The following CREB1 variants were observed in gnomAD, a reference collection of about 807,000 sequenced individuals.
CREB1 encodes the protein cAMP responsive element binding protein 1, also known as cyclic AMP-responsive element-binding protein 1.
In CREB1, 2 loss-of-function variants were observed where a neutral mutation model predicts 42.0. The ratio of observed to expected loss-of-function variants is 0.05; its 90% CI spans 0.02 to 0.15. The LOEUF (loss-of-function observed/expected upper bound fraction) is 0.15. Among genes scored for constraint, CREB1 ranks in the 10% least tolerant of loss-of-function variants. The pLI, the probability that CREB1 is intolerant of heterozygous loss-of-function variation, is 1.00. For missense variants in CREB1, 199 were observed against 388.9 expected (o/e 0.51, Z 4.11); for synonymous variants, 123 against 139.9 (o/e 0.88, Z 0.85).
chr2:207,536,588 C>T (rs1355010576), intron 1 of CREB1, among the ~76,000 whole-genome samples: 1 of 152,074 alleles, frequency 6.6e-6, no homozygotes, highest in African/African-American at 2.4e-5. Flanking sequence ...TGGTATATTT[C>T]GTTTTTTGTA....
chr2:207,577,055 C>G (rs1380657349), intron 6 of CREB1: 2 of 954,920 alleles, frequency 2.1e-6, no homozygotes, highest in Non-Finnish European at 2.5e-6. Context: ...GCTTTATCTT[C>G]TTTTTCATTT....
At position 207,575,285 on chromosome 2, in the gene CREB1, G is replaced by A. The variant is rs778362673; in HGVS notation, c.519G>A (p.Gln173=). 6.2e-7 allele frequency: 1 copy of A among 1,613,770 alleles called. No individual in the cohort carries two copies. Among genetic ancestry groups the A allele is most frequent in the African/African-American group, 1.3e-5 (1 of 74,902 alleles). ...TSSGQYIAIT[Q]GGAIQLANNG... is the part of the protein sequence containing the mutation. ...ATTGGCTTTTAGTTGCCATTACCCA[G>A]GGAGGAGCAATACAGCTGGCTAACA... The change falls in exon 6 of 8, where the codon CAG becomes CAA. Residue 173 remains glutamine, a synonymous_variant. Coordinates refer to ENST00000353267, the MANE Select transcript of CREB1 (RefSeq NM_004379.5).
chr2:207,585,591 A>G (rs2106634690), intron 7 of CREB1, among the ~76,000 whole-genome samples: 1 of 152,342 alleles, frequency 6.6e-6, no homozygotes, highest in Admixed American at 6.5e-5. Context: ...GAACCAGGTA[A>G]TCAATAAAAT....
At chr2:207,546,296 A>G (rs1175423694) in intron 1 of CREB1, among the ~76,000 whole-genome samples, 1 of 152,242 alleles carries the variant, frequency 6.6e-6, no homozygotes, top group Non-Finnish European at 1.5e-5. Context: ...AGATGCCCGA[A>G]CTTGAAGCAA....
At position 207,575,441 on chromosome 2, in the gene CREB1, AGTT is replaced by A; in HGVS notation, c.682_684del (p.Val228del). The A allele has an allele frequency of 6.2e-7, 1 of 1,611,270 alleles. No homozygotes were observed. Among genetic ancestry groups the A allele is most frequent in the Non-Finnish European group, 8.5e-7 (1 of 1,177,960 alleles). The stretch of plus-strand genomic sequence containing the variant: ...AGCAGATCTTAGTGCCCAGCAACCA[AGTT>A]GTTGTTCAAGGTAAGGGAATTCAGA... On this transcript the variant is annotated inframe_deletion, in exon 6 of 8. Transcript: ENST00000353267.
chr2:207,557,391 T>C (rs889412385), intron 2 of CREB1, among the ~76,000 whole-genome samples: 3 of 152,024 alleles, frequency 2.0e-5, no homozygotes, highest in Non-Finnish European at 4.4e-5. Context: ...TTATAAAAAT[T>C]GAATGTATGG....
chr2:207,577,462 T>C (rs2082641184), intron 6 of CREB1, 43 bp from the exon 7 acceptor site: 1 of 1,599,496 alleles, frequency 6.3e-7, no homozygotes, highest in Admixed American at 1.7e-5. Context: ...TTGAATCAAG[T>C]TGCAATGTTT....
chr2:207,569,516 C>G (rs2082269539), intron 4 of CREB1, among the ~76,000 whole-genome samples: 1 of 151,556 alleles, frequency 6.6e-6, no homozygotes, highest in East Asian at 1.9e-4. Flanking sequence ...GATCTTTTTT[C>G]CCTTTAGTTG....
In CREB1 at chr2:207,602,364, A is replaced by G. The variant is rs2087213919; in HGVS notation, c.*5306A>G. 1 of 202,228 alleles carries G rather than the reference A, an allele frequency of 4.9e-6. No homozygotes were observed. Among genetic ancestry groups the G allele is most frequent in the Non-Finnish European group, 1.0e-5 (1 of 98,508 alleles). The allele number at this position is 202,228 out of a possible 1,614,324, so 12.5% of individuals were successfully genotyped here. A position where few individuals can be genotyped will look rare whatever the true frequency, so the allele number is the denominator to read the frequency against. On this transcript the variant is annotated 3_prime_UTR_variant, in exon 8 of 8. Coordinates refer to ENST00000353267, the MANE Select transcript of CREB1 (RefSeq NM_004379.5). ...TTCTGGTACGGTGGGTGCAGGTCCCAGCTGGGTATGACATGATACATTTTT... is the reference window on the plus strand; with the variant it reads ...TTCTGGTACGGTGGGTGCAGGTCCCGGCTGGGTATGACATGATACATTTTT...
At chr2:207,532,794 C>CAGGCTGGAGTGCAGT (rs2080703574) in intron 1 of CREB1, among the ~76,000 whole-genome samples, 1 of 151,564 alleles carries the variant, frequency 6.6e-6, no homozygotes, top group Admixed American at 6.6e-5. Flanking sequence ...CCTTATTGCC[C>CAGGCTGGAGTGCAGT]AGGCTGGAGT....
chr2:207,596,799 T>C (rs1310323212), intron 7 of CREB1, 115 bp from the exon 8 acceptor site: 2 of 1,178,566 alleles, frequency 1.7e-6, no homozygotes, highest in Non-Finnish European at 1.2e-6. Context: ...GCTTAATATA[T>C]ACTAAAATGT....
In CREB1 at chr2:207,568,655, T is replaced by C. The variant is rs948604485; in HGVS notation, c.362+1092T>C. 2.6e-5 allele frequency among the ~76,000 whole-genome samples: 4 copies of C among 152,296 alleles called. No homozygotes were observed. In the South Asian group the frequency reaches 8.3e-4, roughly 32 times the overall value. ...GAAGATGTCATTTTTGACAATAGCA[T>C]AAAGGGACAGAGTTTATAACTAGTT... On this transcript the variant is annotated intron_variant, in intron 4 of 7. Transcript: ENST00000353267.
At chr2:207,573,805 G>A (rs1217462590) in intron 5 of CREB1, among the ~76,000 whole-genome samples, 2 of 152,130 alleles carry the variant, frequency 1.3e-5, no homozygotes, top group Non-Finnish European at 2.9e-5. Flanking sequence ...GTCATATATG[G>A]TTTACTATTT....
At chr2:207,594,761 T>C (rs1309151360) in intron 7 of CREB1, among the ~76,000 whole-genome samples, 1 of 152,204 alleles carries the variant, frequency 6.6e-6, no homozygotes, top group Non-Finnish European at 1.5e-5. Flanking sequence ...GATCATATGG[T>C]AAATTTTGTT....
At chr2:207,536,182 G>C (rs1022124252) in intron 1 of CREB1, among the ~76,000 whole-genome samples, 1 of 152,040 alleles carries the variant, frequency 6.6e-6, no homozygotes, top group African/African-American at 2.4e-5. Context: ...TGACTTTTTT[G>C]AGTTGATTAA....
Position 207,600,285 on chromosome 2 carries a change from C to T in CREB1, c.*3227C>T, listed in dbSNP as rs1201185383. On this transcript the variant is annotated 3_prime_UTR_variant, in exon 8 of 8. Transcript: ENST00000353267. ...TATACATACAGTATATAATCTAAAG[C>T]TCTGAGAGCTCTTAAGTCAGGAATG... The T allele has an allele frequency of 1.2e-5, 2 of 169,698 alleles. No homozygotes were observed. Among genetic ancestry groups the T allele is most frequent in the Non-Finnish European group, 2.5e-5 (2 of 80,070 alleles). 10.5% of individuals were successfully genotyped at this position (169,698 alleles called of 1,614,324 possible).
At chr2:207,595,765 T>C (rs1159260532) in intron 7 of CREB1, among the ~76,000 whole-genome samples, 1 of 152,118 alleles carries the variant, frequency 6.6e-6, no homozygotes, top group Non-Finnish European at 1.5e-5. Context: ...GACAGGGTCT[T>C]AATATATTGC....
chr2:207,546,256 T>G (rs1375226978), intron 1 of CREB1, among the ~76,000 whole-genome samples: 3 of 152,198 alleles, frequency 2.0e-5, no homozygotes, highest in Admixed American at 6.5e-5. Flanking sequence ...AGGATGGACT[T>G]GATGTTGATT....
chr2:207,556,759 G>A (rs1232065222), intron 2 of CREB1, among the ~76,000 whole-genome samples: 1 of 152,202 alleles, frequency 6.6e-6, no homozygotes, highest in African/African-American at 2.4e-5. Context: ...GATTGAAGGG[G>A]AGAGAGCCAG....
Sources: gnomAD v4.1 joint callset for allele counts (sites outside exome capture counted in the v4.1 genomes callset) on GRCh38, gnomAD v4.1.1 for gene constraint, MANE v1.5 for transcripts, NCBI Gene and HGNC (gene_info 2026-07-23, HGNC 2026-07-21) for gene names.